MYRIP: variants seen among roughly 807,000 people sequenced by gnomAD.
MYRIP encodes the protein rab effector MyRIP.
A neutral mutation model predicts 98.0 loss-of-function variants in MYRIP; 49 were observed. The observed-to-expected ratio is 0.50, with a 90% CI of 0.40 to 0.63. MYRIP has a LOEUF of 0.63. Among genes scored for constraint, MYRIP ranks in the 30% least tolerant of loss-of-function variants. The pLI is 0.00. For synonymous variants in MYRIP, 404 were observed against 409.5 expected (o/e 0.99, Z 0.16); for missense variants, 1,004 against 1,058.2 (o/e 0.95, Z 0.71).
intron 10 of MYRIP, among the ~76,000 whole-genome samples, chr3:40,207,102 T>C (rs1038791183): frequency 6.6e-6 from 1 of 152,200 alleles, no homozygotes; most frequent in Non-Finnish European, 1.5e-5. Flanking sequence ...ATCTATTTGA[T>C]AGTTAAAGTC....
chr3:39,817,707 A>G (rs1402416385), intron 1 of MYRIP, among the ~76,000 whole-genome samples: 1 of 152,152 alleles, frequency 6.6e-6, no homozygotes, highest in Middle Eastern at 3.2e-3. Flanking sequence ...ACACATTTCA[A>G]CTGGACTAGT....
intron 2 of MYRIP, among the ~76,000 whole-genome samples, chr3:39,924,591 C>A (rs192833671): frequency 1.3e-5 from 2 of 152,150 alleles, no homozygotes; most frequent in East Asian, 3.9e-4. Flanking sequence ...AGATAATCAA[C>A]AAGGATGTAG....
intron 2 of MYRIP, among the ~76,000 whole-genome samples, chr3:40,027,419 C>T (rs759089873): frequency 2.0e-5 from 3 of 152,090 alleles, no homozygotes. Flanking sequence ...TGCACTTGTG[C>T]TCCTCCTGTC....
chr3:39,891,898 A>G (rs913929721), intron 1 of MYRIP, among the ~76,000 whole-genome samples: 17 of 139,776 alleles, frequency 1.2e-4, no homozygotes, highest in Non-Finnish European at 1.8e-4. Context: ...TGTTACACAT[A>G]CCTTTTCTGT....
intron 10 of MYRIP, among the ~76,000 whole-genome samples, chr3:40,193,788 T>C (rs548678731): frequency 6.6e-6 from 1 of 152,366 alleles, no homozygotes; most frequent in African/African-American, 2.4e-5. Flanking sequence ...AACACTTTCA[T>C]AATTACTACT....
chr3:40,086,182 G>A (rs1432778603), intron 3 of MYRIP, among the ~76,000 whole-genome samples: 1 of 152,154 alleles, frequency 6.6e-6, no homozygotes, highest in African/African-American at 2.4e-5. Flanking sequence ...CAAAATCTAG[G>A]AAAATTCTTA....
intron 2 of MYRIP, among the ~76,000 whole-genome samples, chr3:39,927,343 T>G (rs1944440385): frequency 6.6e-6 from 1 of 152,012 alleles, no homozygotes; most frequent in African/African-American, 2.4e-5. Flanking sequence ...TTGCTCTGGC[T>G]AGGGCTTCTA....
At chr3:39,960,886 G>T (rs950763862) in intron 2 of MYRIP, among the ~76,000 whole-genome samples, 1 of 152,062 alleles carries the variant, frequency 6.6e-6, no homozygotes, top group African/African-American at 2.4e-5. Context: ...TCTGAAAATC[G>T]ATACCTCCCC....
intron 11 of MYRIP, among the ~76,000 whole-genome samples, chr3:40,213,331 A>G (rs1952018565): frequency 6.6e-6 from 1 of 152,236 alleles, no homozygotes; most frequent in African/African-American, 2.4e-5. Context: ...GATTTAGCAT[A>G]TAGCAGGAGC....
chr3:40,191,892 G>A (rs547959460), intron 10 of MYRIP, among the ~76,000 whole-genome samples: 2 of 152,246 alleles, frequency 1.3e-5, no homozygotes, highest in South Asian at 4.2e-4. Flanking sequence ...TTCACTTGCA[G>A]GTGTAAAATG....
chr3:40,019,642 A>C (rs1209033100), intron 2 of MYRIP, among the ~76,000 whole-genome samples: 1 of 152,088 alleles, frequency 6.6e-6, no homozygotes, highest in Non-Finnish European at 1.5e-5. Flanking sequence ...ATAAAATAGG[A>C]GCTTAAAGTC....
At chr3:40,208,161 G>C (rs548624233) in intron 10 of MYRIP, among the ~76,000 whole-genome samples, 1 of 152,100 alleles carries the variant, frequency 6.6e-6, no homozygotes, top group African/African-American at 2.4e-5. Context: ...CAAAAGATAG[G>C]AAAAATAAGA....
chr3:40,166,904 G>A lies in MYRIP; in HGVS notation c.609G>A (p.Glu203=), dbSNP rs1950512759. 1.2e-6 allele frequency: 2 copies of A among 1,614,114 alleles called. No individual in the cohort carries two copies. The highest frequency in any genetic ancestry group is 1.7e-6 in the Non-Finnish European group (2 of 1,179,996). Residue 203 remains glutamate (E), a synonymous_variant, in exon 6 of 17, where the codon GAG becomes GAA. Coordinates refer to ENST00000302541, the MANE Select transcript of MYRIP (RefSeq NM_015460.4). ...TACGGGTGGCTGAAGAGGCCATTGA[G>A]GAAGCAATTTCCAAAGCAGAGGCAT... is the stretch of plus-strand genomic sequence containing the variant. ...VALRVAEEAI[E]EAISKAEAYG...
intron 2 of MYRIP, among the ~76,000 whole-genome samples, chr3:40,007,254 C>A (rs1946654528): frequency 6.6e-6 from 1 of 152,052 alleles, no homozygotes; most frequent in African/African-American, 2.4e-5. Context: ...GTCAGAGGAC[C>A]ATTCATGTCC....
chr3:40,184,882 C>G (rs983379791), intron 9 of MYRIP, among the ~76,000 whole-genome samples: 3 of 152,172 alleles, frequency 2.0e-5, no homozygotes, highest in African/African-American at 7.2e-5. Flanking sequence ...GCTCAAAACT[C>G]TATGCATCTC....
intron 4 of MYRIP, among the ~76,000 whole-genome samples, chr3:40,151,710 C>A (rs1236866040): frequency 6.6e-6 from 1 of 152,156 alleles, no homozygotes; most frequent in Admixed American, 6.5e-5. Context: ...GTTAAGATAA[C>A]CAAGCTACTT....
rs143090355 is a variant in MYRIP at position 40,000,905 on chromosome 3, C to A, written c.111-43145C>A. ...AACATGCTAGGTTACCTTCTCCTTT[C>A]TCCTACCCTGGATTTGAATACCTGG... On this transcript the variant is annotated intron_variant, in intron 2 of 16. Transcript: ENST00000302541. Among the ~76,000 whole-genome samples the A allele has an allele frequency of 1.5e-3, 226 of 152,296 alleles. 1 individual carries two copies. The highest frequency in any genetic ancestry group is 5.3e-3 in the African/African-American group (220 of 41,574).
chr3:40,042,192 T>C (rs1002346584), intron 2 of MYRIP, among the ~76,000 whole-genome samples: 2 of 146,860 alleles, frequency 1.4e-5, no homozygotes, highest in Admixed American at 1.4e-4. Context: ...GCTTATAACA[T>C]GTACAATGTT....
intron 8 of MYRIP, among the ~76,000 whole-genome samples, chr3:40,179,748 A>C (rs967246035): frequency 6.6e-6 from 1 of 152,142 alleles, no homozygotes; most frequent in African/African-American, 2.4e-5. Context: ...GCCCTCATGG[A>C]GTTCATTGTG....
Sources: gnomAD v4.1 joint callset for allele counts (sites outside exome capture counted in the v4.1 genomes callset) on GRCh38, gnomAD v4.1.1 for gene constraint, MANE v1.5 for transcripts, NCBI Gene and HGNC (gene_info 2026-07-23, HGNC 2026-07-21) for gene names.